LTBR: variants seen among roughly 807,000 people sequenced by gnomAD.
The protein encoded by LTBR is lymphotoxin beta receptor.
Under a neutral mutation model 45.4 loss-of-function variants are expected in LTBR, and 15 were observed. The observed-to-expected ratio is 0.33, with a 90% CI of 0.22 to 0.51. The LOEUF (loss-of-function observed/expected upper bound fraction) is 0.51, where lower values mean the gene tolerates loss of function less well. Ranked by LOEUF, LTBR falls within the 20% of genes least tolerant of loss-of-function variation. The pLI is 0.97. For synonymous variants in LTBR, 228 were observed against 231.0 expected, an observed-to-expected ratio of 0.99 and a Z score of 0.12; for missense variants, 450 against 565.5, an observed-to-expected ratio of 0.80 and a Z score of 2.07.
upstream of LTBR, among the ~76,000 whole-genome samples, chr12:6,382,667 TA>T (rs1948996083): frequency 6.6e-6 from 1 of 152,194 alleles, no homozygotes; most frequent in South Asian, 2.1e-4. Flanking sequence ...GTGAAATGCC[TA>T]CAGCCTAGGC....
chr12:6,390,491 A>G, intron 9 of LTBR, 151 bp downstream of exon 9: 1 of 1,002,588 alleles, frequency 1.0e-6, no homozygotes, highest in Non-Finnish European at 1.5e-6. Context: ...AAGAGGGAAG[A>G]GACTGGAAAA....
rs1949019402 is a variant in LTBR at position 6,384,738 on chromosome 12, C to A, written c.193+54C>A. On this transcript the variant is annotated intron_variant, in intron 2 of 9. Transcript: ENST00000228918. ...GCCTCGGAAGTGGGTCACGGGGGCT[C>A]CAGCCCCCTCGCGGCCTCAGAGGGA... is the stretch of plus-strand genomic sequence containing the variant. 3 of 1,509,874 alleles carry A rather than the reference C, an allele frequency of 2.0e-6. No individual in the cohort carries two copies. In the South Asian group the frequency reaches 3.4e-5, roughly 17 times the overall value. 93.5% of individuals were successfully genotyped at this position (1,509,874 alleles called of 1,614,324 possible).
chr12:6,380,756 C>T (rs531799883), upstream of LTBR, among the ~76,000 whole-genome samples: 17 of 152,080 alleles, frequency 1.1e-4, no homozygotes, highest in Admixed American at 3.3e-4. Flanking sequence ...TTTCTGGATG[C>T]CTAATGGGCC....
At chr12:6,382,487 T>C (rs1228207293), upstream of LTBR, among the ~76,000 whole-genome samples, 1 of 152,134 alleles carries the variant, frequency 6.6e-6, no homozygotes, top group Non-Finnish European at 1.5e-5. Context: ...CCTTTACGCG[T>C]TTAAGAGCTC....
chr12:6,377,384 A>T (rs1173903013), intron 1 of LTBR: 1 of 897,996 alleles, frequency 1.1e-6, no homozygotes, highest in Non-Finnish European at 1.7e-6. Context: ...GAGCAGAGCT[A>T]TAAACAGAAT....
chr12:6,389,967 AAGAGAGAGAGAGAAAGAG>A lies in LTBR; in HGVS notation c.802-128_802-111del, dbSNP rs137862618. On this transcript the variant is annotated intron_variant, in intron 8 of 9. Coordinates refer to ENST00000228918, the MANE Select transcript of LTBR (RefSeq NM_002342.3). ...CCCTGACCCTGTCTGGAAAGAAAGA[AAGAGAGAGAGAGAAAGAG>A]AGAGAGAGAGAGAAAGGAAGGAAGG... 391 of 639,302 alleles carry A rather than the reference AAGAGAGAGAGAGAAAGAG, an allele frequency of 6.1e-4. 2 individuals are homozygous for A. The Middle Eastern group carries it at 7.5e-3, about 12-fold the overall frequency. The allele number at this position is 639,302 out of a possible 1,614,324, so 39.6% of individuals were successfully genotyped here.
Position 6,390,736 on chromosome 12 carries a change from G to T in LTBR, c.1107G>T (p.Leu369=), listed in dbSNP as rs542537099. 21 of 1,554,964 alleles carry T rather than the reference G, an allele frequency of 1.4e-5. No homozygotes were observed. The highest frequency in any genetic ancestry group is 1.7e-5 in the Non-Finnish European group (20 of 1,152,676). ...TCTACATCTACAATGGACCAGTACTGGGGGGACCACCGGGTCCTGGAGACC... is the reference window on the plus strand; with the variant it reads ...TCTACATCTACAATGGACCAGTACTTGGGGGACCACCGGGTCCTGGAGACC... ...GNIYIYNGPV[L]GGPPGPGDLP... is the part of the protein sequence containing the mutation. Residue 369 remains leucine (L), a synonymous_variant, in exon 10 of 10, where the codon CTG becomes CTT. Coordinates refer to ENST00000228918, the MANE Select transcript of LTBR (RefSeq NM_002342.3).
intron 1 of LTBR, 36 bp downstream of exon 1, chr12:6,384,490 G>T: frequency 6.3e-7 from 1 of 1,583,992 alleles, no homozygotes; most frequent in South Asian, 1.1e-5. Flanking sequence ...GGCGAGGGTG[G>T]GCAAGAGGGA....
At chr12:6,375,328 C>T, upstream of LTBR, 1 of 1,441,242 alleles carries the variant, frequency 6.9e-7, no homozygotes, top group Non-Finnish European at 9.1e-7. Context: ...ACTCTAGGCC[C>T]TCAGCTCCAG....
At position 6,388,664 on chromosome 12, in the gene LTBR, G is replaced by A; in HGVS notation, c.776-136G>A. ...TCCAGCTGCTTATTCTGAGGCTGGA[G>A]ATGAGAGTGACAGTGGCTTGTTCCT... On this transcript the variant is annotated intron_variant, in intron 7 of 9. Transcript: ENST00000228918. The surrounding 1 kb of genome is among the most constrained non-coding windows in gnomAD (Gnocchi z 4.3). 8.5e-7 allele frequency: 1 copy of A among 1,176,436 alleles called. No individual in the cohort carries two copies. The highest frequency in any genetic ancestry group is 1.8e-5 in the Admixed American group (1 of 55,446). The allele number at this position is 1,176,436 out of a possible 1,614,324, so 72.9% of individuals were successfully genotyped here.
intron 1 of LTBR, chr12:6,377,189 T>C: frequency 6.9e-7 from 1 of 1,443,184 alleles, no homozygotes; most frequent in Non-Finnish European, 9.5e-7. Flanking sequence ...CGGCAGTCTC[T>C]TGCGACTTCT....
At position 6,386,963 on chromosome 12, in the gene LTBR, CTTTACA is replaced by C. The variant is rs1949057107; in HGVS notation, c.667+525_667+530del. 6.6e-6 allele frequency: 1 copy of C among 152,624 alleles called. No individual in the cohort carries two copies. The highest frequency in any genetic ancestry group is 6.5e-5 in the Admixed American group (1 of 15,340). 9.5% of individuals were successfully genotyped at this position (152,624 alleles called of 1,614,324 possible). ...GTGTGTGTTGGGCACTCTGTAACCA[CTTTACA>C]TTTACTAACTCATTTAATCTTCTTA... On this transcript the variant is annotated intron_variant, in intron 6 of 9. Transcript: ENST00000228918. This position sits in a 1 kb window ranked among gnomAD's most constrained non-coding sequence, Gnocchi z 4.1.
At position 6,384,504 on chromosome 12, in the gene LTBR, G is replaced by T. The variant is rs368747825; in HGVS notation, c.96+50G>T. Reference sequence around the variant, plus strand: ...GGGCGAGGGTGGGCAAGAGGGATCTGGGCAGCCGTCGCTCCATTCCCTCTG... The same window carrying T: ...GGGCGAGGGTGGGCAAGAGGGATCTTGGCAGCCGTCGCTCCATTCCCTCTG... On this transcript the variant is annotated intron_variant, in intron 1 of 9. Transcript: ENST00000228918. 1.4e-5 allele frequency: 23 copies of T among 1,593,772 alleles called. No individual in the cohort carries two copies. In the African/African-American group the frequency reaches 2.8e-4, roughly 19 times the overall value.
chr12:6,384,597 T>G lies in LTBR; in HGVS notation c.106T>G (p.Tyr36Asp). Residue 36 changes from tyrosine (Y) to aspartate (D), a missense_variant, in exon 2 of 10, where the codon TAT becomes GAT. Tyr to Asp is a radical substitution (Grantham distance 160). Coordinates refer to ENST00000228918, the MANE Select transcript of LTBR (RefSeq NM_002342.3). The stretch of plus-strand genomic sequence containing the variant: ...CCATCTCCCTTTGAAGGTGCCTCCA[T>G]ATGCGTCGGAGAACCAGACCTGCAG... ...AASQPQAVPP[Y>D]ASENQTCRDQ... 1 of 1,614,102 alleles carries G rather than the reference T, an allele frequency of 6.2e-7. No homozygotes were observed. The highest frequency in any genetic ancestry group is 8.5e-7 in the Non-Finnish European group (1 of 1,179,932).
Position 6,388,881 on chromosome 12 carries a change from G to A in LTBR, c.801+56G>A. The A allele has an allele frequency of 6.2e-7, 1 of 1,604,782 alleles. No homozygotes were observed. Among genetic ancestry groups the A allele is most frequent in the Non-Finnish European group, 8.5e-7 (1 of 1,172,162 alleles). On this transcript the variant is annotated intron_variant, in intron 8 of 9. Coordinates refer to ENST00000228918, the MANE Select transcript of LTBR (RefSeq NM_002342.3). This position sits in a 1 kb window ranked among gnomAD's most constrained non-coding sequence, Gnocchi z 4.3. ...AGGGGAAGAGGTGATGAGGGTACAA[G>A]GTGGAGCAGACAGGAAGAGAGTATG...
chr12:6,387,263 C>G (rs558663144), intron 6 of LTBR: 5 of 152,168 alleles, frequency 3.3e-5, no homozygotes, highest in African/African-American at 1.2e-4. Flanking sequence ...TATATCCTCC[C>G]GGACATTTTC....
At chr12:6,384,083 C>T, upstream of LTBR, 1 of 1,242,680 alleles carries the variant, frequency 8.0e-7, no homozygotes, top group Non-Finnish European at 1.0e-6. Flanking sequence ...AAGCCTGTTC[C>T]TCTTCCCTGG....
chr12:6,377,539 G>T, intron 1 of LTBR: 1 of 782,946 alleles, frequency 1.3e-6, no homozygotes, highest in Non-Finnish European at 2.0e-6. Flanking sequence ...AGAGCCCGTG[G>T]ATTCGTCTGC....
intron 1 of LTBR, chr12:6,376,133 C>A (rs1218622856): frequency 1.0e-6 from 1 of 986,838 alleles, no homozygotes; most frequent in African/African-American, 1.7e-5. Context: ...TCAGGCCCTG[C>A]AGAGAAGAGA....
Sources: gnomAD v4.1 joint callset for allele counts (sites outside exome capture counted in the v4.1 genomes callset) on GRCh38, gnomAD v4.1.1 for gene constraint, Gnocchi (gnomAD v3.1) non-coding constraint, MANE v1.5 for transcripts, NCBI Gene and HGNC (gene_info 2026-07-23, HGNC 2026-07-21) for gene names.